Variants in BARD1 observed in about 807,000 individuals in gnomAD.
BARD1 encodes the protein BRCA1 associated RING domain 1, also known as BRCA1-associated RING domain protein 1.
Under a neutral mutation model 77.0 loss-of-function variants are expected in BARD1, and 73 were observed. That is an observed-to-expected ratio of 0.95 (90% confidence interval 0.79 to 1.15). The LOEUF (loss-of-function observed/expected upper bound fraction) is 1.15, where lower values mean the gene tolerates loss of function less well. Among genes scored for constraint, BARD1 ranks in the 50% most tolerant of loss-of-function variants. The pLI is 0.00. For synonymous variants in BARD1, 384 were observed against 338.0 expected, an observed-to-expected ratio of 1.14 and a Z score of -1.49; for missense variants, 993 against 938.8, an observed-to-expected ratio of 1.06 and a Z score of -0.75.
intron 6 of BARD1, among the ~76,000 whole-genome samples, chr2:214,760,085 A>G (rs988733407): frequency 2.0e-5 from 3 of 152,226 alleles, no homozygotes; most frequent in Non-Finnish European, 4.4e-5. Flanking sequence ...TGGGCTACAA[A>G]AAAAGCTCTC....
chr2:214,775,156 T>G (rs1345549249), intron 4 of BARD1, among the ~76,000 whole-genome samples: 1 of 152,244 alleles, frequency 6.6e-6, no homozygotes, highest in Non-Finnish European at 1.5e-5. Flanking sequence ...GAATTTTTTC[T>G]TTGCATTCAC....
rs111498213 is a variant in BARD1, at chr2:214,804,823, C to T, written c.158+4589G>A. ...TTTATAGCTAGTTATTTGCAAATAACACCCATCACCCCAGCTCCCTGCAAC... is the reference window on the plus strand; with the variant it reads ...TTTATAGCTAGTTATTTGCAAATAATACCCATCACCCCAGCTCCCTGCAAC... On this transcript the variant is annotated intron_variant, in intron 1 of 10. Coordinates refer to ENST00000260947, the MANE Select transcript of BARD1 (RefSeq NM_000465.4). 2.8e-3 allele frequency among the ~76,000 whole-genome samples: 425 copies of T among 152,292 alleles called. 3 individuals are homozygous for T. Among genetic ancestry groups the T allele is most frequent in the African/African-American group, 9.1e-3 (380 of 41,560 alleles).
intron 7 of BARD1, among the ~76,000 whole-genome samples, chr2:214,749,044 A>G (rs921966796): frequency 6.6e-6 from 1 of 152,160 alleles, no homozygotes; most frequent in African/African-American, 2.4e-5. Flanking sequence ...ATGGTACAAC[A>G]CACCAGGGGA....
intron 1 of BARD1, among the ~76,000 whole-genome samples, chr2:214,798,964 A>C (rs1695887452): frequency 6.6e-6 from 1 of 151,902 alleles, no homozygotes; most frequent in Admixed American, 6.6e-5. Context: ...TAAAAATACA[A>C]AAATTAGCCA....
chr2:214,796,530 T>C (rs1695761210), intron 2 of BARD1, among the ~76,000 whole-genome samples: 1 of 152,212 alleles, frequency 6.6e-6, no homozygotes, highest in East Asian at 1.9e-4. Flanking sequence ...ACAGCAAAGA[T>C]TGCTAGGGGA....
intron 3 of BARD1, among the ~76,000 whole-genome samples, chr2:214,787,217 T>A (rs1225682145): frequency 6.6e-6 from 1 of 151,790 alleles, no homozygotes; most frequent in Non-Finnish European, 1.5e-5. Flanking sequence ...AGCAACATAC[T>A]CAACTGACTA....
intron 10 of BARD1, among the ~76,000 whole-genome samples, chr2:214,729,227 T>C (rs540058098): frequency 6.6e-4 from 100 of 152,332 alleles, no homozygotes; most frequent in African/African-American, 2.4e-3. Context: ...CAAAATTCGT[T>C]TGTTTCTTGT....
At chr2:214,755,956 A>C (rs1014039108) in intron 6 of BARD1, among the ~76,000 whole-genome samples, 2 of 152,254 alleles carry the variant, frequency 1.3e-5, no homozygotes, top group Admixed American at 6.5e-5. Context: ...GTATATTAAT[A>C]TCTTTTACAT....
chr2:214,736,008 A>T (rs1018544828), intron 9 of BARD1, among the ~76,000 whole-genome samples: 7 of 152,024 alleles, frequency 4.6e-5, no homozygotes, highest in African/African-American at 1.4e-4. Context: ...TTAATATGAA[A>T]GTCATATTCA....
At chr2:214,737,052 T>A (rs996808129) in intron 9 of BARD1, among the ~76,000 whole-genome samples, 1 of 152,090 alleles carries the variant, frequency 6.6e-6, no homozygotes, top group African/African-American at 2.4e-5. Context: ...AAAGTTGCTG[T>A]TATAGCATAG....
chr2:214,791,965 C>T (rs950647288), intron 3 of BARD1, among the ~76,000 whole-genome samples: 1 of 151,964 alleles, frequency 6.6e-6, no homozygotes, highest in Non-Finnish European at 1.5e-5. Flanking sequence ...CTTGATTTCT[C>T]AACTATAAAA....
At chr2:214,769,114 A>C (rs1694350939) in intron 5 of BARD1, 118 bp downstream of exon 5, 1 of 823,516 alleles carries the variant, frequency 1.2e-6, no homozygotes, top group East Asian at 2.6e-5. Flanking sequence ...TGAAAACATA[A>C]GTTCTTCAGA....
Position 214,767,575 on chromosome 2 carries a change from T to C in BARD1, c.1475A>G (p.Tyr492Cys), listed in dbSNP as rs587782000. The C allele has an allele frequency of 5.0e-6, 8 of 1,614,104 alleles. No homozygotes were observed. The highest frequency in any genetic ancestry group is 1.3e-5 in the African/African-American group (1 of 75,060). ...QHKALVNTTG[Y>C]QNDSPLHDAA... Reference sequence around the variant, plus strand: ...ATCGTGAAGTGGTGAGTCATTTTGATACCCGGTGGTGTTCACCAATGCCTT... The same window carrying C: ...ATCGTGAAGTGGTGAGTCATTTTGACACCCGGTGGTGTTCACCAATGCCTT... The change falls in exon 6 of 11, where the codon TAT (tyrosine) becomes TGT (cysteine). Residue 492 changes from tyrosine to cysteine, a missense_variant. By Grantham distance (194) the Tyr-to-Cys change is radical. Coordinates refer to ENST00000260947, the MANE Select transcript of BARD1 (RefSeq NM_000465.4).
chr2:214,802,506 C>A (rs1476397419), intron 1 of BARD1, among the ~76,000 whole-genome samples: 1 of 152,134 alleles, frequency 6.6e-6, no homozygotes, highest in Non-Finnish European at 1.5e-5. Context: ...ATTTTAACTT[C>A]CTGATTTTCT....
intron 5 of BARD1, among the ~76,000 whole-genome samples, chr2:214,768,285 A>G (rs1325341024): frequency 7.7e-6 from 1 of 129,092 alleles, no homozygotes; most frequent in Non-Finnish European, 1.7e-5. Flanking sequence ...CTGGCATTCT[A>G]TACTTTTTAA....
In BARD1 at chr2:214,745,087, C is replaced by T. The variant is rs1227794803; in HGVS notation, c.1883G>A (p.Cys628Tyr). 3 of 1,613,894 alleles carry T rather than the reference C, an allele frequency of 1.9e-6. No homozygotes were observed. The highest frequency in any genetic ancestry group is 2.5e-6 in the Non-Finnish European group (3 of 1,179,818). The change falls in exon 9 of 11, where the codon TGC (cysteine) becomes TAC (tyrosine). Residue 628 changes from cysteine (C) to tyrosine (Y), a missense_variant. By Grantham distance (194) the Cys-to-Tyr change is radical. Transcript: ENST00000260947. ...LKCMLGILNGCWILKFEWVKA... is the reference protein window; with the variant it reads ...LKCMLGILNGYWILKFEWVKA... ...CTTACATTCAAATTTTAGAATCCAG[C>T]ATCCATTGAGAATCCCAAGCATACA...
At chr2:214,731,846 T>C (rs1004127465) in intron 9 of BARD1, among the ~76,000 whole-genome samples, 24 of 152,198 alleles carry the variant, frequency 1.6e-4, no homozygotes. Flanking sequence ...AACTCAGGTA[T>C]CCCCTTCACT....
At position 214,750,747 on chromosome 2, in the gene BARD1, T is replaced by C. The variant is rs1345234341; in HGVS notation, c.1677+1700A>G. On this transcript the variant is annotated intron_variant, in intron 7 of 10. Coordinates refer to ENST00000260947, the MANE Select transcript of BARD1 (RefSeq NM_000465.4). Reference sequence around the variant, plus strand: ...GAAAGGCTTCAGGGAAAGACTTTAGTGTCTCTTTTTCAGTTGGCCACTGTC... The same window carrying C: ...GAAAGGCTTCAGGGAAAGACTTTAGCGTCTCTTTTTCAGTTGGCCACTGTC... Among the ~76,000 whole-genome samples, 3 of 152,120 alleles carry C rather than the reference T, an allele frequency of 2.0e-5. No homozygotes were observed. In the East Asian group the frequency reaches 5.8e-4, roughly 29 times the overall value.
At chr2:214,730,002 T>C (rs1445670354) in intron 10 of BARD1, among the ~76,000 whole-genome samples, 2 of 152,140 alleles carry the variant, frequency 1.3e-5, no homozygotes, top group African/African-American at 4.8e-5. Context: ...TTCCCTTCTA[T>C]GGAAATTTTC....
Sources: gnomAD v4.1 joint callset for allele counts (sites outside exome capture counted in the v4.1 genomes callset) on GRCh38, gnomAD v4.1.1 for gene constraint, MANE v1.5 for transcripts, NCBI Gene and HGNC (gene_info 2026-07-23, HGNC 2026-07-21) for gene names.